Variants in KCNAB1 observed in about 807,000 individuals in gnomAD.
KCNAB1 encodes the protein potassium voltage-gated channel subfamily A regulatory beta subunit 1.
In KCNAB1, 35 loss-of-function variants were observed where a neutral mutation model predicts 64.6. The ratio of observed to expected loss-of-function variants is 0.54; its 90% CI spans 0.41 to 0.72. KCNAB1 has a LOEUF of 0.72. Ranked by LOEUF, KCNAB1 falls within the 30% of genes least tolerant of loss-of-function variation. The pLI is 0.00. For missense variants in KCNAB1, 401 were observed against 512.9 expected (o/e 0.78, Z 2.11); for synonymous variants, 177 against 183.8 (o/e 0.96, Z 0.30).
At chr3:156,255,747 A>G (rs1192292993) in intron 1 of KCNAB1, among the ~76,000 whole-genome samples, 1 of 152,072 alleles carries the variant, frequency 6.6e-6, no homozygotes, top group Non-Finnish European at 1.5e-5. Flanking sequence ...CACCTCCTCC[A>G]TGCAGCCTTC....
intron 1 of KCNAB1, among the ~76,000 whole-genome samples, chr3:156,129,519 G>T (rs1008251210): frequency 6.6e-6 from 1 of 152,170 alleles, no homozygotes; most frequent in African/African-American, 2.4e-5. Flanking sequence ...TATAAGCTCT[G>T]ATATCAGGCT....
chr3:156,146,860 G>C (rs1410528954), intron 1 of KCNAB1, among the ~76,000 whole-genome samples: 2 of 152,180 alleles, frequency 1.3e-5, no homozygotes, highest in African/African-American at 4.8e-5. Flanking sequence ...CAGGTGGCAG[G>C]CTGGGTTTGT....
chr3:156,120,478 A>G (rs1220602037), upstream of KCNAB1: 4 of 1,042,286 alleles, frequency 3.8e-6, no homozygotes, highest in Non-Finnish European at 5.7e-6. Context: ...ACTGGGCTCA[A>G]TTACAGCTTT....
chr3:156,205,468 T>TG (rs1305565583), intron 1 of KCNAB1, among the ~76,000 whole-genome samples: 1 of 152,288 alleles, frequency 6.6e-6, no homozygotes, highest in East Asian at 1.9e-4. Context: ...TAAAAGTGAA[T>TG]TTGCACAAAA....
chr3:156,257,480 C>G (rs1484058309), intron 1 of KCNAB1, among the ~76,000 whole-genome samples: 1 of 152,114 alleles, frequency 6.6e-6, no homozygotes, highest in Non-Finnish European at 1.5e-5. Flanking sequence ...GGGGAGGGAT[C>G]CGGGGTGCTT....
chr3:156,213,989 G>A (rs1715164726), intron 1 of KCNAB1, among the ~76,000 whole-genome samples: 1 of 152,128 alleles, frequency 6.6e-6, no homozygotes, highest in Non-Finnish European at 1.5e-5. Context: ...CCTACGTGAT[G>A]AAGCCTCCTT....
intron 3 of KCNAB1, among the ~76,000 whole-genome samples, chr3:156,455,565 CA>C (rs58279697): frequency 0.15 from 23,079 of 152,164 alleles, 2,718 homozygotes; most frequent in African/African-American, 0.33. Flanking sequence ...GTTTTATTTA[CA>C]TTTTTTTATC....
intron 1 of KCNAB1, among the ~76,000 whole-genome samples, chr3:156,383,962 C>T (rs1401280872): frequency 1.3e-5 from 2 of 152,106 alleles, no homozygotes; most frequent in African/African-American, 4.8e-5. Flanking sequence ...TCTGTTCTGA[C>T]AGCTAGACAA....
At chr3:156,355,458 A>C (rs773905747) in intron 1 of KCNAB1, among the ~76,000 whole-genome samples, 4 of 152,076 alleles carry the variant, frequency 2.6e-5, no homozygotes, top group Non-Finnish European at 5.9e-5. Flanking sequence ...TCAACACTCC[A>C]TTTGCCTGCT....
chr3:156,283,822 C>T (rs1719901791), intron 1 of KCNAB1, among the ~76,000 whole-genome samples: 1 of 152,038 alleles, frequency 6.6e-6, no homozygotes, highest in Admixed American at 6.6e-5. Context: ...TCCATCAGCT[C>T]CTTTAAGCAC....
At chr3:156,218,852 A>T (rs1715513676) in intron 1 of KCNAB1, among the ~76,000 whole-genome samples, 1 of 149,890 alleles carries the variant, frequency 6.7e-6, no homozygotes, top group South Asian at 2.1e-4. Flanking sequence ...TATAAAAAAA[A>T]TAAAATAAAA....
Position 156,456,328 on chromosome 3 carries a change from C to T in KCNAB1, c.358-1125C>T, listed in dbSNP as rs574823132. ...CATATCCAATAATATACCAGTATGTCATATGACATACACAGGCTAATATAA... is the reference window on the plus strand; with the variant it reads ...CATATCCAATAATATACCAGTATGTTATATGACATACACAGGCTAATATAA... On this transcript the variant is annotated intron_variant, in intron 3 of 13. Transcript: ENST00000490337. Among the ~76,000 whole-genome samples the T allele has an allele frequency of 1.9e-3, 284 of 152,240 alleles. No individual in the cohort carries two copies. The Middle Eastern group carries it at 0.034, about 18-fold the overall frequency.
intron 2 of KCNAB1, among the ~76,000 whole-genome samples, chr3:156,423,254 G>A (rs1247562383): frequency 1.3e-5 from 2 of 152,170 alleles, no homozygotes; most frequent in South Asian, 4.1e-4. Flanking sequence ...ATACACTTAT[G>A]GGGAAATCCT....
intron 8 of KCNAB1, among the ~76,000 whole-genome samples, chr3:156,507,098 C>T (rs1161237470): frequency 6.6e-6 from 1 of 152,206 alleles, no homozygotes; most frequent in Non-Finnish European, 1.5e-5. Context: ...AAGAACCTCT[C>T]ACGATGACAG....
chr3:156,384,362 T>C (rs1712407840), intron 1 of KCNAB1, among the ~76,000 whole-genome samples: 1 of 152,216 alleles, frequency 6.6e-6, no homozygotes, highest in Non-Finnish European at 1.5e-5. Flanking sequence ...TGCAGCCTAG[T>C]AGCCCGATAG....
intron 1 of KCNAB1, among the ~76,000 whole-genome samples, chr3:156,321,959 G>A (rs1315275003): frequency 2.0e-5 from 3 of 152,166 alleles, no homozygotes; most frequent in Non-Finnish European, 4.4e-5. Flanking sequence ...AAAATAGGAA[G>A]GCTCCACACT....
chr3:156,408,852 T>C (rs1714442068), intron 1 of KCNAB1, among the ~76,000 whole-genome samples: 1 of 152,158 alleles, frequency 6.6e-6, no homozygotes, highest in Non-Finnish European at 1.5e-5. Context: ...GTGTTTATGT[T>C]CACCCATTAA....
rs1037971314 is a variant in KCNAB1 at position 156,524,099 on chromosome 3, A to G, written c.1081+152A>G. 4.8e-5 allele frequency: 38 copies of G among 784,692 alleles called. No homozygotes were observed. In the African/African-American group the frequency reaches 6.2e-4, roughly 13 times the overall value. 48.6% of individuals were successfully genotyped at this position (784,692 alleles called of 1,614,324 possible). On this transcript the variant is annotated intron_variant, in intron 12 of 13. Transcript: ENST00000490337. ...ACTCCTGCTAAATATAAAGTGAGTT[A>G]TTTGAGGTTCCCCAGAATTTTCTAC...
chr3:156,462,133 C>T (rs922513250), intron 5 of KCNAB1, among the ~76,000 whole-genome samples: 1 of 152,236 alleles, frequency 6.6e-6, no homozygotes, highest in Admixed American at 6.5e-5. Flanking sequence ...CTGTAAAATA[C>T]ATTATCATTC....
Sources: allele counts gnomAD v4.1 joint callset (sites outside exome capture counted in the v4.1 genomes callset), GRCh38; gene constraint gnomAD v4.1.1; transcripts MANE v1.5; gene names NCBI Gene and HGNC (gene_info 2026-07-23, HGNC 2026-07-21).